Variants in RBM4 observed in about 807,000 individuals in gnomAD.
RBM4 encodes the protein RNA-binding protein 4.
A neutral mutation model predicts 29.5 loss-of-function variants in RBM4; 7 were observed. The observed-to-expected ratio is 0.24, with a 90% confidence interval of 0.14 to 0.45. RBM4 has a LOEUF of 0.45. RBM4 is among the 20% of genes least tolerant of loss of function. RBM4 has a pLI of 1.00. For synonymous variants in RBM4, 220 were observed against 205.4 expected (o/e 1.07, Z -0.61); for missense variants, 387 against 502.3 (o/e 0.77, Z 2.19).
intron 2 of RBM4, among the ~76,000 whole-genome samples, chr11:66,655,298 T>TC (rs1472597187): frequency 6.6e-6 from 1 of 150,446 alleles, no homozygotes; most frequent in Non-Finnish European, 1.5e-5. Context: ...TCTTTTCTTT[T>TC]TTTTTTTTTG....
chr11:66,639,034 A>T (rs867699428), intron 1 of RBM4: 9 of 151,648 alleles, frequency 5.9e-5, no homozygotes, highest in Non-Finnish European at 1.0e-4. Context: ...TATATCTGAC[A>T]GTTACATTCT....
intron 2 of RBM4, chr11:66,640,501 C>G (rs544450525): frequency 2.4e-6 from 1 of 413,350 alleles, no homozygotes; most frequent in Non-Finnish European, 4.3e-6. Context: ...GATCAGAATT[C>G]TGCATTTTAC....
At chr11:66,657,417 T>C (rs1938970091) in intron 2 of RBM4, among the ~76,000 whole-genome samples, 1 of 151,818 alleles carries the variant, frequency 6.6e-6, no homozygotes, top group Non-Finnish European at 1.5e-5. Context: ...GCGCGGTGGC[T>C]CACACCTGTA....
At chr11:66,664,931 C>T (rs1227070006) in intron 2 of RBM4, 3 of 152,230 alleles carry the variant, frequency 2.0e-5, no homozygotes, top group Non-Finnish European at 4.4e-5. Context: ...AAATTTCTGA[C>T]ATCTATTAGT....
chr11:66,667,243 T>G (rs552095178), exon 3 of RBM4: 1 of 152,364 alleles, frequency 6.6e-6, no homozygotes, highest in East Asian at 1.9e-4. Flanking sequence ...TGAAAAGATT[T>G]ATCTATCTTT....
chr11:66,652,952 A>G (rs955433283), intron 2 of RBM4, among the ~76,000 whole-genome samples: 7 of 152,130 alleles, frequency 4.6e-5, no homozygotes, highest in Non-Finnish European at 1.0e-4. Context: ...TGAATTGAGC[A>G]TTGTATTACT....
exon 3 of RBM4, chr11:66,666,550 C>T: frequency 2.1e-6 from 1 of 487,228 alleles, no homozygotes; most frequent in Non-Finnish European, 2.7e-6. Flanking sequence ...TGAACAACCA[C>T]TGCTTGCAGT....
At chr11:66,647,763 G>A (rs928818100), downstream of RBM4, among the ~76,000 whole-genome samples, 25 of 152,166 alleles carry the variant, frequency 1.6e-4, no homozygotes, top group African/African-American at 5.3e-4. Flanking sequence ...CGATACATAC[G>A]GTTCTGGAGC....
exon 3 of RBM4, chr11:66,666,591 C>A (rs980075963): frequency 1.4e-4 from 29 of 205,774 alleles, no homozygotes; most frequent in Non-Finnish European, 2.3e-4. Context: ...CCTAGCAATA[C>A]CTTTTGAAGA....
rs1483367506 is a variant in RBM4, at chr11:66,665,780, T to C, written c.413-76T>C. 7 of 1,350,844 alleles carry C rather than the reference T, an allele frequency of 5.2e-6. 1 individual carries two copies. The highest frequency in any genetic ancestry group is 3.6e-4 in the Middle Eastern group (2 of 5,504). 83.7% of individuals were successfully genotyped at this position (1,350,844 alleles called of 1,614,324 possible). A position where few individuals can be genotyped will look rare whatever the true frequency, so the allele number is the denominator to read the frequency against. On this transcript the variant is annotated intron_variant, in intron 2 of 2. Coordinates refer to the RBM4 transcript ENST00000396053. Reference sequence around the variant, plus strand: ...CTATATATAGGAATCCACTTATGGCTATATATATAGGACAAGATGCAATCT... The same window carrying C: ...CTATATATAGGAATCCACTTATGGCCATATATATAGGACAAGATGCAATCT...
intron 2 of RBM4, among the ~76,000 whole-genome samples, chr11:66,662,044 C>T (rs1360869405): frequency 6.6e-6 from 1 of 152,078 alleles, no homozygotes; most frequent in South Asian, 2.1e-4. Flanking sequence ...CAAAAAAATA[C>T]ATTTGTCCTA....
At chr11:66,642,733 C>T (rs1339795322) in intron 2 of RBM4, among the ~76,000 whole-genome samples, 2 of 152,040 alleles carry the variant, frequency 1.3e-5, no homozygotes, top group South Asian at 2.1e-4. Context: ...CCTGTTTTTG[C>T]CCTGTTTGCC....
chr11:66,651,342 G>A (rs1053059561), downstream of RBM4, among the ~76,000 whole-genome samples: 1 of 151,326 alleles, frequency 6.6e-6, no homozygotes, highest in African/African-American at 2.4e-5. Context: ...TGTAGCAAGA[G>A]AAAGTACTTT....
At position 66,643,496 on chromosome 11, in the gene RBM4, G is replaced by T; in HGVS notation, c.459G>T (p.Ala153=). Residue 153 remains alanine, a synonymous_variant, in exon 3 of 4, where the codon GCG becomes GCT. Coordinates refer to ENST00000310092, the MANE Select transcript of RBM4 (RefSeq NM_002896.4). This position sits in a 1 kb window ranked among gnomAD's most constrained non-coding sequence, Gnocchi z 6.1. ...TGTCCACCAGCCGGCTTAGGACTGC[G>T]CCCGGGATGGGAGACCAGAGCGGCT... is the stretch of plus-strand genomic sequence containing the variant. ...VQLSTSRLRT[A]PGMGDQSGCY... 1 of 1,613,880 alleles carries T rather than the reference G, an allele frequency of 6.2e-7. No individual in the cohort carries two copies. Among genetic ancestry groups the T allele is most frequent in the Non-Finnish European group, 8.5e-7 (1 of 1,179,872 alleles).
At chr11:66,644,203 C>T (rs1670438287) in intron 3 of RBM4, 63 bp downstream of exon 3, 1 of 1,540,396 alleles carries the variant, frequency 6.5e-7, no homozygotes, top group Non-Finnish European at 8.7e-7. Flanking sequence ...TAAAGGGCTC[C>T]AATTAGGCTG....
chr11:66,650,260 C>G (rs1252278622), downstream of RBM4, among the ~76,000 whole-genome samples: 2 of 152,194 alleles, frequency 1.3e-5, no homozygotes, highest in Non-Finnish European at 2.9e-5. Flanking sequence ...GATGTTAACC[C>G]TGTTAACTTT....
At chr11:66,647,409 T>C (rs1326117995), downstream of RBM4, among the ~76,000 whole-genome samples, 1 of 152,234 alleles carries the variant, frequency 6.6e-6, no homozygotes, top group Admixed American at 6.5e-5. Context: ...TTTGAACAGC[T>C]CTATACAACA....
At chr11:66,664,766 T>A (rs1939165411) in intron 2 of RBM4, among the ~76,000 whole-genome samples, 1 of 152,164 alleles carries the variant, frequency 6.6e-6, no homozygotes, top group Admixed American at 6.5e-5. Flanking sequence ...GCCAACTGAT[T>A]TTTTATTTTT....
chr11:66,639,833 A>G lies in RBM4; in HGVS notation c.122A>G (p.His41Arg), dbSNP rs1938361535. 6.2e-7 allele frequency: 1 copy of G among 1,614,064 alleles called. No homozygotes were observed. Among genetic ancestry groups the G allele is most frequent in the Non-Finnish European group, 8.5e-7 (1 of 1,180,046 alleles). ...ATCATTAAGAATTACGGCTTTGTGC[A>G]CATAGAAGACAAGACGGCAGCTGAG... is the stretch of plus-strand genomic sequence containing the variant. The part of the protein sequence containing the change: ...CDIIKNYGFV[H>R]IEDKTAAEDA... The change falls in exon 2 of 4, where the codon CAC becomes CGC. Residue 41 changes from histidine (H) to arginine (R), a missense_variant. Transcript: ENST00000310092.
Sources: gnomAD v4.1 joint callset for allele counts (sites outside exome capture counted in the v4.1 genomes callset) on GRCh38, gnomAD v4.1.1 for gene constraint, Gnocchi (gnomAD v3.1) non-coding constraint, MANE v1.5 for transcripts, NCBI Gene and HGNC (gene_info 2026-07-23, HGNC 2026-07-21) for gene names.